ZNF385D: variants seen among roughly 807,000 people sequenced by gnomAD.
ZNF385D encodes zinc finger protein 385D.
In ZNF385D, 15 loss-of-function variants were observed where a neutral mutation model predicts 35.8. The observed-to-expected ratio is 0.42, with a 90% CI of 0.28 to 0.64. The LOEUF (loss-of-function observed/expected upper bound fraction) is 0.64, where lower values mean the gene tolerates loss of function less well. Ranked by LOEUF, ZNF385D falls within the 30% of genes least tolerant of loss-of-function variation. ZNF385D has a pLI of 0.23. For synonymous variants in ZNF385D, 212 were observed against 186.8 expected, an observed-to-expected ratio of 1.13 and a Z score of -1.10; for missense variants, 474 against 494.6, an observed-to-expected ratio of 0.96 and a Z score of 0.39.
intron 3 of ZNF385D, among the ~76,000 whole-genome samples, chr3:21,776,079 TTC>T (rs1243509513): frequency 2.6e-5 from 4 of 151,916 alleles, no homozygotes; most frequent in Non-Finnish European, 5.9e-5. Context: ...AATCAAAATC[TTC>T]TGTCATTAAA....
At chr3:21,798,458 T>G (rs1420451578) in intron 3 of ZNF385D, among the ~76,000 whole-genome samples, 1 of 152,174 alleles carries the variant, frequency 6.6e-6, no homozygotes, top group African/African-American at 2.4e-5. Context: ...GTCCTTACCA[T>G]TGGTCCCCTT....
At chr3:21,784,127 A>T (rs2071596971) in intron 3 of ZNF385D, among the ~76,000 whole-genome samples, 1 of 152,208 alleles carries the variant, frequency 6.6e-6, no homozygotes. Flanking sequence ...TATGGGTATT[A>T]GGAACAAGTT....
At chr3:21,426,997 G>T (rs1323395305) in intron 5 of ZNF385D, among the ~76,000 whole-genome samples, 1 of 152,104 alleles carries the variant, frequency 6.6e-6, no homozygotes, top group Non-Finnish European at 1.5e-5. Flanking sequence ...ATTAGAGAAA[G>T]GAAAAAGTCA....
Position 22,353,089 on chromosome 3 carries a change from A to G in ZNF385D, c.106+19361T>C, listed in dbSNP as rs114785119. ...ATGTTGAGTTCTCTGCATAGGCAGT[A>G]GCTAAGGAAGCTGCGTTTGTTACAT... On this transcript the variant is annotated intron_variant, in intron 2 of 5. Transcript: ENST00000494108. Among the ~76,000 whole-genome samples the G allele has an allele frequency of 2.7e-3, 409 of 152,320 alleles. 2 individuals are homozygous for G. The highest frequency in any genetic ancestry group is 9.3e-3 in the African/African-American group (388 of 41,570).
chr3:22,097,454 T>C (rs1701693725), intron 3 of ZNF385D, among the ~76,000 whole-genome samples: 1 of 152,008 alleles, frequency 6.6e-6, no homozygotes, highest in Non-Finnish European at 1.5e-5. Flanking sequence ...AAAGAAGTTG[T>C]TATTGGAAAC....
intron 3 of ZNF385D, chr3:22,133,447 T>A (rs1703922198): frequency 6.7e-6 from 1 of 150,148 alleles, no homozygotes. Flanking sequence ...AAAGGTTATA[T>A]AACAGACATA....
chr3:22,066,196 C>G (rs939272154), intron 3 of ZNF385D, among the ~76,000 whole-genome samples: 3 of 151,498 alleles, frequency 2.0e-5, no homozygotes, highest in Non-Finnish European at 4.4e-5. Context: ...AAATTAGAGT[C>G]AAAAGTTATG....
chr3:21,955,492 A>C (rs1022551785), intron 3 of ZNF385D, among the ~76,000 whole-genome samples: 4 of 152,098 alleles, frequency 2.6e-5, no homozygotes, highest in African/African-American at 7.2e-5. Context: ...TAAGCTTCTG[A>C]TGCATCTTAA....
At chr3:21,970,607 T>TAGAG (rs373534656) in intron 3 of ZNF385D, among the ~76,000 whole-genome samples, 42 of 148,224 alleles carry the variant, frequency 2.8e-4, no homozygotes, top group Admixed American at 8.8e-4. Context: ...CCTTAAAGAG[T>TAGAG]AGAGAGAGAG....
intron 4 of ZNF385D, among the ~76,000 whole-genome samples, chr3:21,488,837 A>T (rs1705213756): frequency 6.6e-6 from 1 of 152,140 alleles, no homozygotes; most frequent in African/African-American, 2.4e-5. Context: ...AGCTCTCTGG[A>T]AGGAAAGTTT....
At chr3:22,354,030 A>C (rs1218868441) in intron 2 of ZNF385D, among the ~76,000 whole-genome samples, 1 of 151,092 alleles carries the variant, frequency 6.6e-6, no homozygotes, top group Non-Finnish European at 1.5e-5. Flanking sequence ...TTCTTGCATT[A>C]TCTTCTTTTT....
intron 3 of ZNF385D, among the ~76,000 whole-genome samples, chr3:22,127,180 T>C (rs183637872): frequency 1.3e-3 from 192 of 152,156 alleles, no homozygotes; most frequent in African/African-American, 4.2e-3. Context: ...AATGTTATTA[T>C]TGATAACTAA....
intron 3 of ZNF385D, among the ~76,000 whole-genome samples, chr3:21,788,851 G>T (rs1373413840): frequency 1.3e-5 from 2 of 152,154 alleles, no homozygotes; most frequent in Non-Finnish European, 2.9e-5. Flanking sequence ...CAAGGCACTG[G>T]CCAATGTGGC....
chr3:21,671,297 C>T (rs1212685960), intron 1 of ZNF385D, among the ~76,000 whole-genome samples: 1 of 152,086 alleles, frequency 6.6e-6, no homozygotes, highest in African/African-American at 2.4e-5. Context: ...TAAAGCTCTC[C>T]TTTCCAAATT....
In ZNF385D at chr3:21,722,553, T is replaced by C. The variant is rs142442995; in HGVS notation, c.22+28342A>G. On this transcript the variant is annotated intron_variant, in intron 1 of 7. Transcript: ENST00000281523. ...AAGTTGGTTGTGCTCCCAGATGGGC[T>C]AGTAATAAGGCGTGGGCGCCACAGT... 1.5e-3 allele frequency among the ~76,000 whole-genome samples: 223 copies of C among 152,340 alleles called. 1 individual carries two copies. The highest frequency in any genetic ancestry group is 1.5e-3 in the East Asian group (8 of 5,174).
chr3:21,704,065 C>A (rs1355299887), intron 1 of ZNF385D, among the ~76,000 whole-genome samples: 1 of 152,278 alleles, frequency 6.6e-6, no homozygotes, highest in Middle Eastern at 3.4e-3. Context: ...TTTTCATATG[C>A]TTTTCAAGTT....
chr3:21,477,808 C>T (rs1704349496), intron 4 of ZNF385D, among the ~76,000 whole-genome samples: 1 of 152,150 alleles, frequency 6.6e-6, no homozygotes, highest in African/African-American at 2.4e-5. Context: ...GATTTCACAT[C>T]CCTCATGGAT....
intron 4 of ZNF385D, among the ~76,000 whole-genome samples, chr3:21,490,936 A>T (rs1249863550): frequency 1.7e-5 from 2 of 116,318 alleles, no homozygotes; most frequent in Non-Finnish European, 3.5e-5. Context: ...TGAATTTGTG[A>T]CTCTCTAGAT....
intron 1 of ZNF385D, among the ~76,000 whole-genome samples, chr3:21,701,654 C>T (rs867717254): frequency 6.6e-6 from 1 of 152,144 alleles, no homozygotes. Context: ...AAAGCAAGTG[C>T]CTTCTGCCTA....
Sources: allele counts gnomAD v4.1 joint callset (sites outside exome capture counted in the v4.1 genomes callset), GRCh38; gene constraint gnomAD v4.1.1; transcripts MANE v1.5; gene names NCBI Gene and HGNC (gene_info 2026-07-23, HGNC 2026-07-21).